CNOT6: variants seen among roughly 807,000 people sequenced by gnomAD.
The protein encoded by CNOT6 is CCR4-NOT transcription complex subunit 6.
A neutral mutation model predicts 61.2 loss-of-function variants in CNOT6; 12 were observed. That is an observed-to-expected ratio of 0.20 (90% CI 0.13 to 0.32). The LOEUF is 0.32. CNOT6 is among the 10% of genes least tolerant of loss of function. The pLI is 1.00. For missense variants in CNOT6, 405 were observed against 663.9 expected (o/e 0.61, Z 4.28); for synonymous variants, 225 against 240.6 (o/e 0.94, Z 0.60).
chr5:180,520,360 T>C (rs1757826844), intron 1 of CNOT6, among the ~76,000 whole-genome samples: 2 of 151,950 alleles, frequency 1.3e-5, no homozygotes, highest in South Asian at 4.2e-4. Context: ...GTTAAGGGCC[T>C]GGGCCGGGCG....
At chr5:180,505,601 G>A (rs564157569) in intron 1 of CNOT6, among the ~76,000 whole-genome samples, 1 of 132,248 alleles carries the variant, frequency 7.6e-6, no homozygotes, top group African/African-American at 2.8e-5. Context: ...AGTCTGGACT[G>A]CAGTGGCGCG....
In CNOT6 at chr5:180,514,836, A is replaced by AT. The variant is rs890257303; in HGVS notation, c.-2-14431dup. Among the ~76,000 whole-genome samples, 78 of 152,162 alleles carry AT rather than the reference A, an allele frequency of 5.1e-4. 1 individual carries two copies. Among genetic ancestry groups the AT allele is most frequent in the Middle Eastern group, 6.8e-3 (2 of 294 alleles). ...TTCCACTGTACTGAATTGCTTTTGG[A>AT]TTTTTTTTCTATGAAAACCTGATTT... On this transcript the variant is annotated intron_variant, in intron 1 of 11. Transcript: ENST00000261951.
rs1760905912 is a variant in CNOT6 at position 180,574,143 on chromosome 5, G to A, written c.1617G>A (p.Glu539=). 2 of 1,613,952 alleles carry A rather than the reference G, an allele frequency of 1.2e-6. No homozygotes were observed. Among genetic ancestry groups the A allele is most frequent in the East Asian group, 2.2e-5 (1 of 44,890 alleles). The change falls in exon 12 of 12, where the codon GAG becomes GAA. Residue 539 remains glutamate, a synonymous_variant. Transcript: ENST00000261951. ...ACTTCTCACTTTTTGCACAACTGGA[G>A]CTCTTACTGCCTTTCCTGCCCCAAG... ...SDHFSLFAQL[E]LLLPFLPQVN...
rs923735016 is a variant in CNOT6, at chr5:180,576,086, A to G, written c.*1886A>G. ...AACACATCCAGTTTATAATCAGTAC[A>G]TTGGAAAGCTGGTATTGATGTAGAA... On this transcript the variant is annotated 3_prime_UTR_variant, in exon 12 of 12. Coordinates refer to ENST00000261951, the MANE Select transcript of CNOT6 (RefSeq NM_001370472.1). 3 of 152,524 alleles carry G rather than the reference A, an allele frequency of 2.0e-5. No individual in the cohort carries two copies. The highest frequency in any genetic ancestry group is 2.1e-4 in the South Asian group (1 of 4,826). 9.4% of individuals were successfully genotyped at this position (152,524 alleles called of 1,614,324 possible).
chr5:180,554,404 C>T (rs1039002337), intron 4 of CNOT6, among the ~76,000 whole-genome samples: 11 of 124,630 alleles, frequency 8.8e-5, no homozygotes, highest in African/African-American at 2.8e-4. Context: ...GGTGACAGAG[C>T]GAGACTCTGT....
At chr5:180,516,700 TA>T (rs1259956993) in intron 1 of CNOT6, among the ~76,000 whole-genome samples, 3 of 152,206 alleles carry the variant, frequency 2.0e-5, no homozygotes, top group Non-Finnish European at 4.4e-5. Context: ...TCATTGTCCA[TA>T]AAATTTTTTT....
At chr5:180,567,694 G>A (rs1760532950) in intron 8 of CNOT6, among the ~76,000 whole-genome samples, 155 bp from the exon 9 acceptor site, 1 of 152,164 alleles carries the variant, frequency 6.6e-6, no homozygotes, top group Non-Finnish European at 1.5e-5. Flanking sequence ...AAATGGATGT[G>A]GGAAGCTTGA....
chr5:180,561,356 T>TTG (rs35909953), intron 4 of CNOT6, among the ~76,000 whole-genome samples: 44,433 of 144,476 alleles, frequency 0.31, 7,095 homozygotes, highest in South Asian at 0.52. Context: ...CTTGTGTGTT[T>TTG]TGTGTGTGTG....
chr5:180,561,036 G>A (rs975911154), intron 4 of CNOT6, among the ~76,000 whole-genome samples: 1 of 152,052 alleles, frequency 6.6e-6, no homozygotes, highest in Non-Finnish European at 1.5e-5. Context: ...CTGCAGCCTT[G>A]ACCTCCCAGG....
intron 2 of CNOT6, among the ~76,000 whole-genome samples, chr5:180,535,963 T>G (rs1483869917): frequency 1.3e-5 from 2 of 151,680 alleles, no homozygotes; most frequent in Non-Finnish European, 2.9e-5. Flanking sequence ...AAATATTGTT[T>G]CATGTTCTTT....
chr5:180,576,854 A>G lies in CNOT6; in HGVS notation c.*2654A>G, dbSNP rs972568345. ...ATTTTTTTTCAAAAATTCTGTAACAAATATATTTAATGTGTTGCCATAATG... is the reference window on the plus strand; with the variant it reads ...ATTTTTTTTCAAAAATTCTGTAACAGATATATTTAATGTGTTGCCATAATG... On this transcript the variant is annotated 3_prime_UTR_variant, in exon 12 of 12. Coordinates refer to ENST00000261951, the MANE Select transcript of CNOT6 (RefSeq NM_001370472.1). 7 of 152,194 alleles carry G rather than the reference A, an allele frequency of 4.6e-5. No individual in the cohort carries two copies. The highest frequency in any genetic ancestry group is 1.3e-4 in the Admixed American group (2 of 15,270). 9.4% of individuals were successfully genotyped at this position (152,194 alleles called of 1,614,324 possible).
chr5:180,525,462 C>G (rs1758058356), intron 1 of CNOT6, among the ~76,000 whole-genome samples: 1 of 151,326 alleles, frequency 6.6e-6, no homozygotes, highest in African/African-American at 2.4e-5. Context: ...GCTTTTGAGC[C>G]TGGGAGGTGA....
chr5:180,508,818 T>TTTA (rs112012463), intron 1 of CNOT6, among the ~76,000 whole-genome samples: 38,283 of 138,322 alleles, frequency 0.28, 6,237 homozygotes, highest in African/African-American at 0.49. Flanking sequence ...ATTAATTAAT[T>TTTA]TTATTATTAT....
At chr5:180,566,325 A>C (rs2127762789) in intron 7 of CNOT6, among the ~76,000 whole-genome samples, 1 of 152,300 alleles carries the variant, frequency 6.6e-6, no homozygotes, top group Middle Eastern at 3.4e-3. Context: ...TAGAACAATT[A>C]AGGCACCGTG....
Position 180,574,148 on chromosome 5 carries a change from T to TA in CNOT6, c.1623dup (p.Leu542ThrfsTer30), listed in dbSNP as rs780344418. The stretch of plus-strand genomic sequence containing the variant: ...TCACTTTTTGCACAACTGGAGCTCT[T>TA]ACTGCCTTTCCTGCCCCAAGTCAAC... On this transcript the variant is annotated frameshift_variant, in exon 12 of 12. Coordinates refer to ENST00000261951, the MANE Select transcript of CNOT6 (RefSeq NM_001370472.1). LOFTEE classifies it high-confidence loss of function. 1 of 1,614,152 alleles carries TA rather than the reference T, an allele frequency of 6.2e-7. No individual in the cohort carries two copies. Among genetic ancestry groups the TA allele is most frequent in the South Asian group, 1.1e-5 (1 of 91,074 alleles).
intron 2 of CNOT6, among the ~76,000 whole-genome samples, chr5:180,545,874 G>A (rs1401999595): frequency 6.6e-6 from 1 of 152,094 alleles, no homozygotes. Flanking sequence ...GGTATGTAGT[G>A]CTATCTCAGA....
intron 2 of CNOT6, among the ~76,000 whole-genome samples, chr5:180,547,012 T>C (rs559611857): frequency 2.0e-5 from 3 of 152,344 alleles, no homozygotes; most frequent in Non-Finnish European, 4.4e-5. Context: ...ATTCAATGTT[T>C]TAAATTTTGT....
At chr5:180,562,495 C>G (rs747002117) in intron 4 of CNOT6, among the ~76,000 whole-genome samples, 2 of 152,124 alleles carry the variant, frequency 1.3e-5, no homozygotes, top group Non-Finnish European at 2.9e-5. Flanking sequence ...AATCCCAGCA[C>G]TTTGGGAGGC....
chr5:180,549,466 C>A (rs562511839), intron 2 of CNOT6, among the ~76,000 whole-genome samples: 1 of 151,894 alleles, frequency 6.6e-6, no homozygotes, highest in African/African-American at 2.4e-5. Flanking sequence ...TTGTTAACAC[C>A]GTGAAACCCC....
Sources: allele counts gnomAD v4.1 joint callset (sites outside exome capture counted in the v4.1 genomes callset), GRCh38; gene constraint gnomAD v4.1.1; transcripts MANE v1.5; gene names NCBI Gene and HGNC (gene_info 2026-07-23, HGNC 2026-07-21).